The following GLYATL2 variants were observed in gnomAD, a reference collection of about 807,000 sequenced individuals.
The protein encoded by GLYATL2 is glycine-N-acyltransferase like 2.
A neutral mutation model predicts 21.4 loss-of-function variants in GLYATL2; 25 were observed. The observed-to-expected ratio is 1.17, with a 90% CI of 0.85 to 1.63. The LOEUF (loss-of-function observed/expected upper bound fraction) is 1.63, where lower values mean the gene tolerates loss of function less well. Among genes scored for constraint, GLYATL2 ranks in the 40% most tolerant of loss-of-function variants. The probability of loss-of-function intolerance (pLI) is 0.00; values close to 1 mark genes in which losing one functional copy is unlikely to be tolerated. For missense variants in GLYATL2, 361 were observed against 343.3 expected, an observed-to-expected ratio of 1.05 and a Z score of -0.41; for synonymous variants, 114 against 118.2, an observed-to-expected ratio of 0.96 and a Z score of 0.23.
intron 1 of GLYATL2, among the ~76,000 whole-genome samples, chr11:58,889,802 A>C (rs1272056843): frequency 6.6e-6 from 1 of 152,082 alleles, no homozygotes; most frequent in Non-Finnish European, 1.5e-5. Flanking sequence ...TATGGGCAAT[A>C]ATTCTCTTTT....
chr11:58,872,474 A>G (rs1259264694), intron 1 of GLYATL2, among the ~76,000 whole-genome samples: 1 of 152,210 alleles, frequency 6.6e-6, no homozygotes, highest in Non-Finnish European at 1.5e-5. Context: ...AGGTGTAAGG[A>G]AGAGATCCAG....
intron 1 of GLYATL2, among the ~76,000 whole-genome samples, chr11:58,893,891 G>A (rs1854589497): frequency 6.6e-6 from 1 of 152,178 alleles, no homozygotes; most frequent in South Asian, 2.1e-4. Context: ...CCTGTTTATG[G>A]ATTTATGAGG....
At chr11:58,880,567 A>G (rs1346473512) in intron 1 of GLYATL2, among the ~76,000 whole-genome samples, 4 of 152,234 alleles carry the variant, frequency 2.6e-5, no homozygotes, top group South Asian at 2.1e-4. Flanking sequence ...AGACAATAGT[A>G]AAACACAAGT....
At chr11:58,908,410 C>T (rs1854959390), upstream of GLYATL2, 1 of 158,460 alleles carries the variant, frequency 6.3e-6, no homozygotes, top group Non-Finnish European at 1.4e-5. Context: ...AAATTCAATC[C>T]TTGGTTCTCC....
chr11:58,864,886 G>T lies in GLYATL2; in HGVS notation n.61-26518C>A, dbSNP rs1174483111. 3.4e-5 allele frequency among the ~76,000 whole-genome samples: 5 copies of T among 148,968 alleles called. 1 individual carries two copies. In the East Asian group the frequency reaches 1.1e-3, roughly 33 times the overall value. ...TAATGATTTTCAAAGTGCCTCAGCAGCATCAGAGGCAGTACTCCTGCTAAT... is the reference window on the plus strand; with the variant it reads ...TAATGATTTTCAAAGTGCCTCAGCATCATCAGAGGCAGTACTCCTGCTAAT... On this transcript the variant is annotated intron_variant and non_coding_transcript_variant, in intron 1 of 4. Transcript: ENST00000533636.
intron 1 of GLYATL2, among the ~76,000 whole-genome samples, chr11:58,860,311 A>T (rs1404941713): frequency 3.2e-5 from 4 of 124,186 alleles, no homozygotes; most frequent in Non-Finnish European, 7.0e-5. Context: ...AATAATTTCC[A>T]CTATATAAGT....
In GLYATL2 at chr11:58,902,322, T is replaced by G. The variant is rs7945417; in HGVS notation, n.60+1834A>C. On this transcript the variant is annotated intron_variant and non_coding_transcript_variant, in intron 1 of 4. Transcript: ENST00000533636. Reference sequence around the variant, plus strand: ...TGTCTGACACATCCCCAGAAGCCAATTCTCCTCAGTCCTTCCTGCCACTTC... The same window carrying G: ...TGTCTGACACATCCCCAGAAGCCAAGTCTCCTCAGTCCTTCCTGCCACTTC... 3.3e-3 allele frequency among the ~76,000 whole-genome samples: 504 copies of G among 152,256 alleles called. 5 individuals carry two copies. Among genetic ancestry groups the G allele is most frequent in the African/African-American group, 0.011 (477 of 41,546 alleles).
chr11:58,834,726 G>A lies in GLYATL2; in HGVS notation c.588C>T (p.Leu196=). 2 of 1,613,824 alleles carry A rather than the reference G, an allele frequency of 1.2e-6. No individual in the cohort carries two copies. Among genetic ancestry groups the A allele is most frequent in the Non-Finnish European group, 1.7e-6 (2 of 1,179,998 alleles). ...ERSLKYIERC[L]QDFLGFGVLG... is the part of the protein sequence containing the mutation. ...GCACACCAAATCCTAGAAAATCCTG[G>A]AGGCAGCGTTCAATATATTTCAAGC... The change falls in exon 6 of 6, where the codon CTC becomes CTT. Residue 196 remains leucine (L), a synonymous_variant. Transcript: ENST00000287275.
chr11:58,881,605 T>C (rs1854335954), intron 1 of GLYATL2, among the ~76,000 whole-genome samples: 1 of 152,196 alleles, frequency 6.6e-6, no homozygotes, highest in South Asian at 2.1e-4. Context: ...TTTATTATTA[T>C]ACTTTAAGTT....
intron 1 of GLYATL2, among the ~76,000 whole-genome samples, chr11:58,872,837 T>C (rs1450048217): frequency 6.6e-6 from 1 of 152,262 alleles, no homozygotes; most frequent in Non-Finnish European, 1.5e-5. Context: ...CATTGGTAGC[T>C]TGATAGGGAT....
At chr11:58,872,047 T>C (rs1854131924) in intron 1 of GLYATL2, among the ~76,000 whole-genome samples, 1 of 152,254 alleles carries the variant, frequency 6.6e-6, no homozygotes, top group African/African-American at 2.4e-5. Context: ...ATGATGAGCA[T>C]TTTTTCATGT....
At chr11:58,882,475 G>A (rs879421095) in intron 1 of GLYATL2, among the ~76,000 whole-genome samples, 40 of 152,120 alleles carry the variant, frequency 2.6e-4, no homozygotes, top group African/African-American at 9.4e-4. Flanking sequence ...GTAGATTCTG[G>A]ATATTAGCCC....
chr11:58,905,247 G>A (rs537320962), upstream of GLYATL2, among the ~76,000 whole-genome samples: 2 of 152,386 alleles, frequency 1.3e-5, no homozygotes, highest in Non-Finnish European at 2.9e-5. Context: ...CCTCCACGAA[G>A]TTGGATCATT....
chr11:58,869,895 G>T (rs1048567694), intron 1 of GLYATL2, among the ~76,000 whole-genome samples: 1 of 152,130 alleles, frequency 6.6e-6, no homozygotes, highest in East Asian at 1.9e-4. Context: ...ATAACCAGGA[G>T]TTTGAGACCA....
chr11:58,853,268 G>A (rs1853772787), intron 1 of GLYATL2, among the ~76,000 whole-genome samples: 1 of 152,122 alleles, frequency 6.6e-6, no homozygotes, highest in African/African-American at 2.4e-5. Flanking sequence ...TGAACTGCAT[G>A]GGTCCACTTA....
chr11:58,834,879 C>T (rs777296998), intron 5 of GLYATL2, 42 bp from the exon 6 acceptor site: 4 of 1,437,054 alleles, frequency 2.8e-6, no homozygotes, highest in Admixed American at 4.4e-5. Flanking sequence ...GCCAATATTA[C>T]CAAACACTGG....
At chr11:58,909,297 T>G in the GLYATL2 span, among the ~76,000 whole-genome samples, 1 of 152,182 alleles carries the variant, frequency 6.6e-6, no homozygotes, top group African/African-American at 2.4e-5. Flanking sequence ...ACAAGGTGAA[T>G]AAGTTCTCAA....
At chr11:58,906,400 T>A (rs1854886606), upstream of GLYATL2, among the ~76,000 whole-genome samples, 1 of 152,156 alleles carries the variant, frequency 6.6e-6, no homozygotes, top group African/African-American at 2.4e-5. Flanking sequence ...GAGACCAGGT[T>A]CGGTTAAGCA....
At chr11:58,869,487 A>G (rs1436578764) in intron 1 of GLYATL2, among the ~76,000 whole-genome samples, 1 of 152,186 alleles carries the variant, frequency 6.6e-6, no homozygotes, top group Non-Finnish European at 1.5e-5. Flanking sequence ...TGGTTTACCT[A>G]TCAAGGCTAA....
Sources: allele counts gnomAD v4.1 joint callset (sites outside exome capture counted in the v4.1 genomes callset), GRCh38; gene constraint gnomAD v4.1.1; transcripts MANE v1.5; gene names NCBI Gene and HGNC (gene_info 2026-07-23, HGNC 2026-07-21).